HCN1: variants seen among roughly 807,000 people sequenced by gnomAD.
HCN1 encodes the protein potassium/sodium hyperpolarization-activated cyclic nucleotide-gated channel 1.
HCN1 carries 13 observed loss-of-function variants against 78.9 expected under a neutral mutation model. The ratio of observed to expected loss-of-function variants is 0.16; its 90% CI spans 0.11 to 0.26. HCN1 has a LOEUF of 0.26. Ranked by LOEUF, HCN1 falls within the 10% of genes least tolerant of loss-of-function variation. HCN1 has a pLI of 1.00. For missense variants in HCN1, 810 were observed against 1,154.3 expected, an observed-to-expected ratio of 0.70 and a Z score of 4.32; for synonymous variants, 552 against 455.5, an observed-to-expected ratio of 1.21 and a Z score of -2.70.
At chr5:45,446,058 G>C (rs1234922300) in intron 3 of HCN1, among the ~76,000 whole-genome samples, 2 of 152,222 alleles carry the variant, frequency 1.3e-5, no homozygotes, top group Non-Finnish European at 2.9e-5. Context: ...GACGAGTTGA[G>C]AGAATAAGGC....
chr5:45,374,967 G>C (rs937137644), intron 4 of HCN1, among the ~76,000 whole-genome samples: 6 of 141,824 alleles, frequency 4.2e-5, no homozygotes, highest in African/African-American at 1.5e-4. Context: ...GTCGACAGCA[G>C]TGTGGGATTT....
chr5:45,514,294 T>C (rs1742477762), intron 2 of HCN1, among the ~76,000 whole-genome samples: 1 of 152,072 alleles, frequency 6.6e-6, no homozygotes, highest in East Asian at 1.9e-4. Flanking sequence ...CACATTGCGC[T>C]GTCTTTCCTA....
At chr5:45,525,024 T>C (rs527851776) in intron 2 of HCN1, among the ~76,000 whole-genome samples, 356 of 152,276 alleles carry the variant, frequency 2.3e-3, no homozygotes, top group African/African-American at 8.1e-3. Flanking sequence ...TATTTTGAGA[T>C]ACGTCCCATC....
intron 4 of HCN1, among the ~76,000 whole-genome samples, chr5:45,360,587 G>A (rs1244717490): frequency 6.6e-6 from 1 of 152,060 alleles, no homozygotes; most frequent in Non-Finnish European, 1.5e-5. Context: ...CTATTTTCAA[G>A]AACTATGCTA....
At chr5:45,399,442 G>A (rs915153701) in intron 3 of HCN1, among the ~76,000 whole-genome samples, 2 of 152,216 alleles carry the variant, frequency 1.3e-5, no homozygotes, top group African/African-American at 4.8e-5. Flanking sequence ...AAGATGGCAG[G>A]AGCAGAACAT....
chr5:45,469,457 T>C (rs1741343032), intron 2 of HCN1, among the ~76,000 whole-genome samples: 1 of 152,000 alleles, frequency 6.6e-6, no homozygotes, highest in African/African-American at 2.4e-5. Flanking sequence ...GCTGCAAATG[T>C]AGACGATATT....
At chr5:45,362,420 TCTA>T (rs907737928) in intron 4 of HCN1, among the ~76,000 whole-genome samples, 3 of 152,118 alleles carry the variant, frequency 2.0e-5, no homozygotes, top group Non-Finnish European at 4.4e-5. Context: ...CTTAAGAATA[TCTA>T]CTAACTCATT....
Position 45,696,085 on chromosome 5 carries a change from T to C in HCN1, c.9A>G (p.Gly3=). 2 of 1,348,284 alleles carry C rather than the reference T, an allele frequency of 1.5e-6. No homozygotes were observed. Among genetic ancestry groups the C allele is most frequent in the Non-Finnish European group, 1.9e-6 (2 of 1,039,040 alleles). 83.5% of individuals were successfully genotyped at this position (1,348,284 alleles called of 1,614,324 possible). A position where few individuals can be genotyped will look rare whatever the true frequency, so the allele number is the denominator to read the frequency against. ...TAGACGAAGAGTTGGGCTTGCCGCC[T>C]CCTTCCATGCCCGGAGGACGCGGCC... ME[G]GGKPNSSSNS... is the part of the protein sequence containing the mutation. Residue 3 remains glycine, a synonymous_variant, in exon 1 of 8, where the codon GGA becomes GGG. Transcript: ENST00000303230.
intron 1 of HCN1, among the ~76,000 whole-genome samples, chr5:45,646,825 A>T (rs890163920): frequency 2.6e-5 from 4 of 152,158 alleles, no homozygotes; most frequent in African/African-American, 9.7e-5. Flanking sequence ...ATAATCATGA[A>T]ATGTATCCAG....
intron 1 of HCN1, among the ~76,000 whole-genome samples, chr5:45,681,942 G>C (rs897658552): frequency 6.6e-6 from 1 of 152,068 alleles, no homozygotes; most frequent in African/African-American, 2.4e-5. Context: ...ATGTGTTGAA[G>C]TCCTAACCCA....
chr5:45,493,847 G>C (rs962509668), intron 2 of HCN1, among the ~76,000 whole-genome samples: 2 of 150,034 alleles, frequency 1.3e-5, no homozygotes, highest in East Asian at 2.0e-4. Flanking sequence ...GAGAATATGC[G>C]GTGTTTGGTT....
chr5:45,349,236 A>G (rs1746829748), intron 5 of HCN1, among the ~76,000 whole-genome samples: 1 of 152,234 alleles, frequency 6.6e-6, no homozygotes, highest in East Asian at 1.9e-4. Flanking sequence ...AAGCCACTCA[A>G]CTACATGGAA....
chr5:45,558,253 C>T (rs1743516493), intron 2 of HCN1: 1 of 151,982 alleles, frequency 6.6e-6, no homozygotes, highest in Admixed American at 6.6e-5. Flanking sequence ...AATCCTAACC[C>T]AGAGTGAGGT....
chr5:45,374,683 G>A (rs1747562535), intron 4 of HCN1, among the ~76,000 whole-genome samples: 1 of 149,794 alleles, frequency 6.7e-6, no homozygotes, highest in Non-Finnish European at 1.5e-5. Flanking sequence ...ACCCGGCAGA[G>A]ACAACAAAAA....
intron 2 of HCN1, among the ~76,000 whole-genome samples, chr5:45,500,850 A>T (rs905828987): frequency 6.6e-6 from 1 of 152,214 alleles, no homozygotes; most frequent in East Asian, 1.9e-4. Context: ...ACATTTTTGC[A>T]TGTTAATTCT....
At chr5:45,501,479 G>A (rs963143319) in intron 2 of HCN1, among the ~76,000 whole-genome samples, 1 of 151,834 alleles carries the variant, frequency 6.6e-6, no homozygotes, top group African/African-American at 2.4e-5. Context: ...TTGTCGCCCA[G>A]GCTGGAGTGT....
At chr5:45,529,554 C>A (rs779234142) in intron 2 of HCN1, among the ~76,000 whole-genome samples, 6 of 151,956 alleles carry the variant, frequency 3.9e-5, no homozygotes, top group Non-Finnish European at 7.4e-5. Context: ...TTAATGATGA[C>A]TCTGGAAAAA....
chr5:45,648,039 C>A (rs1258270387), intron 1 of HCN1, among the ~76,000 whole-genome samples: 1 of 152,084 alleles, frequency 6.6e-6, no homozygotes, highest in African/African-American at 2.4e-5. Context: ...TATTACAGAG[C>A]CAAATATACA....
chr5:45,537,780 T>C (rs530421384), intron 2 of HCN1, among the ~76,000 whole-genome samples: 3 of 152,114 alleles, frequency 2.0e-5, no homozygotes, highest in South Asian at 4.2e-4. Context: ...TTTGATCTGG[T>C]CCTTCCCTTT....
Sources: allele counts gnomAD v4.1 joint callset (sites outside exome capture counted in the v4.1 genomes callset), GRCh38; gene constraint gnomAD v4.1.1; transcripts MANE v1.5; gene names NCBI Gene and HGNC (gene_info 2026-07-23, HGNC 2026-07-21).